ANAPC4: variants seen among roughly 807,000 people sequenced by gnomAD.
ANAPC4 encodes anaphase-promoting complex subunit 4.
Under a neutral mutation model 119.8 loss-of-function variants are expected in ANAPC4, and 63 were observed. The observed-to-expected ratio is 0.53, with a 90% CI of 0.43 to 0.65. The LOEUF (loss-of-function observed/expected upper bound fraction) is 0.65, where lower values mean the gene tolerates loss of function less well. ANAPC4 is among the 30% of genes least tolerant of loss of function. The pLI is 0.00. For missense variants in ANAPC4, 716 were observed against 945.1 expected (o/e 0.76, Z 3.18); for synonymous variants, 283 against 318.6 (o/e 0.89, Z 1.19).
intron 4 of ANAPC4, among the ~76,000 whole-genome samples, chr4:25,383,677 C>T (rs578057967): frequency 1.4e-4 from 22 of 152,088 alleles, no homozygotes; most frequent in African/African-American, 5.3e-4. Context: ...TTTCTCAGTG[C>T]ATGTAAAAGT....
At chr4:25,389,283 C>T (rs932677175) in intron 7 of ANAPC4, among the ~76,000 whole-genome samples, 1 of 152,096 alleles carries the variant, frequency 6.6e-6, no homozygotes, top group Non-Finnish European at 1.5e-5. Context: ...CTCAGCCTCC[C>T]GAGTAGCTGG....
rs559690453 is a variant in ANAPC4 at position 25,406,858 on chromosome 4, T to C, written c.1347T>C (p.Ala449=). Reference sequence around the variant, plus strand: ...CTCAGAAAGATATCACATTTGTTGCTGAATTTCTTACTGAACATTTCAATG... The same window carrying C: ...CTCAGAAAGATATCACATTTGTTGCCGAATTTCTTACTGAACATTTCAATG... ...KMTQKDITFV[A]EFLTEHFNEA... is the part of the protein sequence containing the mutation. The change falls in exon 19 of 29, where the codon GCT becomes GCC. Residue 449 remains alanine, a synonymous_variant. Transcript: ENST00000315368. 27 of 1,604,186 alleles carry C rather than the reference T, an allele frequency of 1.7e-5. No homozygotes were observed. Among genetic ancestry groups the C allele is most frequent in the Non-Finnish European group, 2.2e-5 (26 of 1,176,362 alleles).
chr4:25,405,599 G>C lies in ANAPC4; in HGVS notation c.1297G>C (p.Val433Leu). 6.2e-7 allele frequency: 1 copy of C among 1,613,666 alleles called. No individual in the cohort carries two copies. The highest frequency in any genetic ancestry group is 8.5e-7 in the Non-Finnish European group (1 of 1,179,702). Residue 433 changes from valine (V) to leucine (L), a missense_variant, in exon 18 of 29, where the codon GTG (valine) becomes CTG (leucine). Transcript: ENST00000315368. The surrounding 1 kb of genome is among the most constrained non-coding windows in gnomAD (Gnocchi z 4.6). ...AATGTTGAGAATGACAGAAGACCAT[G>C]TGCTTCCCGAGCTGAATAAGGTAGT... is the stretch of plus-strand genomic sequence containing the variant. ...VAMLRMTEDH[V>L]LPELNKMTQK...
intron 4 of ANAPC4, among the ~76,000 whole-genome samples, chr4:25,383,614 C>T (rs1164040380): frequency 2.2e-4 from 34 of 151,818 alleles, no homozygotes; most frequent in Non-Finnish European, 4.4e-5. Context: ...TGGTTCCAGA[C>T]CACTGCAATA....
chr4:25,383,275 C>T lies in ANAPC4; in HGVS notation c.250C>T (p.Leu84Phe), dbSNP rs1354497748. The change falls in exon 4 of 29, where the codon CTT becomes TTT. Residue 84 changes from leucine (L) to phenylalanine (F), a missense_variant. Leu to Phe is a conservative substitution (Grantham distance 22). Coordinates refer to ENST00000315368, the MANE Select transcript of ANAPC4 (RefSeq NM_013367.3). ...RPDGKLLAFA[L>F]ADTKKIVLCD... ...TCTTGTTTTAGTTTTGGCCTTTGCT[C>T]TTGCTGATACCAAGAAAATTGTTTT... 10 of 1,604,686 alleles carry T rather than the reference C, an allele frequency of 6.2e-6. No individual in the cohort carries two copies. The highest frequency in any genetic ancestry group is 1.3e-5 in the African/African-American group (1 of 74,436).
chr4:25,395,233 G>C (rs1722582190), intron 14 of ANAPC4: 1 of 179,794 alleles, frequency 5.6e-6, no homozygotes, highest in Admixed American at 6.2e-5. Flanking sequence ...AGTTTACCAA[G>C]AATATTGTAT....
intron 26 of ANAPC4, 198 bp downstream of exon 26, chr4:25,415,738 C>T (rs1723831777): frequency 2.0e-6 from 1 of 512,462 alleles, no homozygotes; most frequent in Admixed American, 3.7e-5. Context: ...TACTGCCCTG[C>T]AGTTTATGTC....
In ANAPC4 at chr4:25,394,835, A is replaced by T; in HGVS notation, c.991A>T (p.Lys331Ter). The stretch of plus-strand genomic sequence containing the variant: ...ATTTTCCTTTTTTAATTAGGGCTTG[A>T]AAAAGCTTGGCCAGTCTATAGAGTC... ...LMNQLTVKGL[K>*]KLGQSIESSY... is the part of the protein sequence containing the mutation. Residue 331 changes from lysine to a stop codon, truncating the protein, a stop_gained, in exon 14 of 29, where the codon AAA (lysine) becomes TAA (stop). Coordinates refer to ENST00000315368, the MANE Select transcript of ANAPC4 (RefSeq NM_013367.3). LOFTEE classifies it high-confidence loss of function. The T allele has an allele frequency of 1.2e-6, 2 of 1,611,358 alleles. No individual in the cohort carries two copies. Among genetic ancestry groups the T allele is most frequent in the East Asian group, 4.5e-5 (2 of 44,840 alleles).
chr4:25,407,130 G>C (rs1349754768), intron 19 of ANAPC4, 67 bp from the exon 20 acceptor site: 4 of 1,390,880 alleles, frequency 2.9e-6, no homozygotes, highest in Non-Finnish European at 4.0e-6. Context: ...AAGGTTTTGG[G>C]TTTAAATTTA....
At chr4:25,416,319 C>G in intron 26 of ANAPC4, 106 bp from the exon 27 acceptor site, 2 of 620,670 alleles carry the variant, frequency 3.2e-6, no homozygotes, top group Non-Finnish European at 5.1e-6. Flanking sequence ...CAGAATGTCA[C>G]TTAACTTTTA....
intron 14 of ANAPC4, among the ~76,000 whole-genome samples, chr4:25,396,149 G>A (rs1722636621): frequency 6.6e-6 from 1 of 152,158 alleles, no homozygotes; most frequent in Admixed American, 6.5e-5. Context: ...GATTAGCTCA[G>A]GTTCTTCTGT....
intron 4 of ANAPC4, among the ~76,000 whole-genome samples, 154 bp downstream of exon 4, chr4:25,383,547 AT>A (rs59314097): frequency 2.7e-5 from 4 of 150,478 alleles, no homozygotes; most frequent in Non-Finnish European, 5.9e-5. Flanking sequence ...GCTTTCTTAG[AT>A]TTTTTTTTTC....
intron 7 of ANAPC4, 100 bp from the exon 8 acceptor site, chr4:25,390,036 G>A: frequency 1.3e-6 from 1 of 782,590 alleles, no homozygotes; most frequent in Non-Finnish European, 2.1e-6. Flanking sequence ...GCTTTAGCAT[G>A]TAGATTATAT....
chr4:25,413,551 T>A, intron 21 of ANAPC4, 94 bp from the exon 22 acceptor site: 13 of 779,476 alleles, frequency 1.7e-5, no homozygotes, highest in African/African-American at 5.5e-5. Context: ...CGAGATAAAC[T>A]GTGCAGACTG....
rs756826336 is a variant in ANAPC4, at chr4:25,418,140, C to T, written c.2200-15C>T. On this transcript the variant is annotated splice_polypyrimidine_tract_variant and intron_variant, in intron 28 of 28. Transcript: ENST00000315368. The stretch of plus-strand genomic sequence containing the variant: ...CATTAATTTAAAAATGCTTTTATGG[C>T]CTTTTCTTTTTTAGTTAAGCTCAAA... 5.0e-6 allele frequency: 8 copies of T among 1,601,554 alleles called. No homozygotes were observed. In the East Asian group the frequency reaches 1.8e-4, roughly 36 times the overall value.
Position 25,414,470 on chromosome 4 carries a change from G to A in ANAPC4, c.1690G>A (p.Asp564Asn), listed in dbSNP as rs772938316. Residue 564 changes from aspartate (D) to asparagine (N), a missense_variant, in exon 24 of 29, where the codon GAT becomes AAT. Physicochemically the swap from Asp to Asn is conservative, Grantham distance 23 (BLOSUM62 1). This residue lies in a region of ANAPC4 where 504 missense variants were observed against 615.8 expected (regional missense o/e 0.82). Transcript: ENST00000315368. ...TCTTTTTCCCTTTTATTTTAGTGAGGATTCTACACGTAGATTGTTCAAATT... is the reference window on the plus strand; with the variant it reads ...TCTTTTTCCCTTTTATTTTAGTGAGAATTCTACACGTAGATTGTTCAAATT... ...IPLYRDTRSE[D>N]STRRLFKFPF... 3.1e-6 allele frequency: 5 copies of A among 1,600,090 alleles called. No homozygotes were observed. In the African/African-American group the frequency reaches 6.7e-5, roughly 22 times the overall value.
intron 20 of ANAPC4, 28 bp downstream of exon 20, chr4:25,407,281 C>T (rs372016667): frequency 6.5e-7 from 1 of 1,547,894 alleles, no homozygotes; most frequent in African/African-American, 1.4e-5. Flanking sequence ...ATTTTAAAAC[C>T]TTAGCAGTGT....
intron 16 of ANAPC4, 135 bp downstream of exon 16, chr4:25,397,034 TCCGAAAAG>T (rs1722688936): frequency 1.2e-6 from 1 of 861,274 alleles, no homozygotes; most frequent in Non-Finnish European, 1.8e-6. Context: ...TTTATATGGT[TCCGAAAAG>T]CCAGCAGCAC....
chr4:25,415,709 TTG>T (rs920271070), intron 26 of ANAPC4, 169 bp downstream of exon 26: 2 of 583,980 alleles, frequency 3.4e-6, no homozygotes, highest in Admixed American at 3.3e-5. Context: ...ATGATTTGAC[TTG>T]TGATTGAATA....
Sources: gnomAD v4.1 joint callset for allele counts (sites outside exome capture counted in the v4.1 genomes callset) on GRCh38, gnomAD v4.1.1 for gene constraint, gnomAD v4.1.1 regional missense constraint, Gnocchi (gnomAD v3.1) non-coding constraint, MANE v1.5 for transcripts, NCBI Gene and HGNC (gene_info 2026-07-23, HGNC 2026-07-21) for gene names.